Variants in KLHL25 observed in about 807,000 individuals in gnomAD.
KLHL25 encodes the protein kelch-like protein 25.
A neutral mutation model predicts 30.0 loss-of-function variants in KLHL25; 41 were observed. That is an observed-to-expected ratio of 1.37 (90% CI 1.07 to 1.78). KLHL25 has a LOEUF of 1.78. Among genes scored for constraint, KLHL25 ranks in the 40% most tolerant of loss-of-function variants. The probability of loss-of-function intolerance (pLI) is 0.00; values close to 1 mark genes in which losing one functional copy is unlikely to be tolerated. For missense variants in KLHL25, 971 were observed against 824.5 expected, an observed-to-expected ratio of 1.18 and a Z score of -2.18; for synonymous variants, 399 against 355.3, an observed-to-expected ratio of 1.12 and a Z score of -1.38.
intron 2 of KLHL25, among the ~76,000 whole-genome samples, chr15:85,767,497 C>T (rs2089632838): frequency 1.3e-5 from 2 of 152,238 alleles, no homozygotes; most frequent in South Asian, 4.1e-4. Flanking sequence ...TGGACTCTGC[C>T]TTAGTACATG....
intron 1 of KLHL25, among the ~76,000 whole-genome samples, chr15:85,778,111 G>A (rs1056604625): frequency 2.0e-5 from 3 of 152,150 alleles, no homozygotes; most frequent in Admixed American, 6.5e-5. Context: ...TGGTTCAGGC[G>A]GTAATGAGTG....
intron 1 of KLHL25, among the ~76,000 whole-genome samples, chr15:85,787,798 C>T (rs943627162): frequency 3.3e-5 from 5 of 152,150 alleles, no homozygotes; most frequent in African/African-American, 1.2e-4. Flanking sequence ...AAAATCTGCA[C>T]ATACAACGGA....
intron 2 of KLHL25, among the ~76,000 whole-genome samples, chr15:85,765,656 A>C (rs2089617506): frequency 6.7e-6 from 1 of 149,728 alleles, no homozygotes; most frequent in Admixed American, 6.7e-5. Flanking sequence ...AAGAAGAAGA[A>C]AACAGAAAAG....
chr15:85,780,277 C>T (rs950735204), intron 1 of KLHL25, among the ~76,000 whole-genome samples: 1 of 152,246 alleles, frequency 6.6e-6, no homozygotes, highest in Non-Finnish European at 1.5e-5. Context: ...ACTCAGCACT[C>T]AGGTTCACCC....
chr15:85,791,106 C>G (rs2946366), intron 1 of KLHL25, among the ~76,000 whole-genome samples: 76,982 of 149,066 alleles, frequency 0.52, 20,206 homozygotes, highest in South Asian at 0.61. Context: ...CTGAGGCAGA[C>G]AACTGGTTGA....
At chr15:85,785,930 A>T (rs1040411950) in intron 1 of KLHL25, among the ~76,000 whole-genome samples, 13 of 152,090 alleles carry the variant, frequency 8.5e-5, no homozygotes, top group Non-Finnish European at 1.6e-4. Flanking sequence ...TCACAATGGC[A>T]GTGGGACAGG....
At chr15:85,793,516 C>T (rs2089830408) in intron 1 of KLHL25, among the ~76,000 whole-genome samples, 4 of 152,162 alleles carry the variant, frequency 2.6e-5, no homozygotes, top group South Asian at 4.1e-4. Context: ...CCCACGCAAG[C>T]CTTCACCAAC....
At chr15:85,765,735 G>C (rs1451591054) in intron 2 of KLHL25, among the ~76,000 whole-genome samples, 3 of 150,788 alleles carry the variant, frequency 2.0e-5, no homozygotes, top group African/African-American at 7.3e-5. Flanking sequence ...AGGAGGCTGA[G>C]GAACGAGAAT....
At chr15:85,784,269 C>T (rs549850357) in intron 1 of KLHL25, among the ~76,000 whole-genome samples, 7 of 152,184 alleles carry the variant, frequency 4.6e-5, no homozygotes, top group African/African-American at 1.7e-4. Context: ...TGGCTCATGC[C>T]TGTAATCCCT....
chr15:85,762,792 C>T (rs2089592138), intron 2 of KLHL25: 2 of 152,348 alleles, frequency 1.3e-5, no homozygotes, highest in African/African-American at 4.8e-5. Flanking sequence ...GGCAGAAATC[C>T]TCAGGCCTGT....
intron 2 of KLHL25, chr15:85,761,289 C>G (rs1412387649): frequency 1.3e-5 from 2 of 152,280 alleles, no homozygotes; most frequent in Non-Finnish European, 2.9e-5. Context: ...AAGGGAAACC[C>G]AGGCGGCTTG....
At position 85,775,989 on chromosome 15, in the gene KLHL25, T is replaced by C. The variant is rs538254193; in HGVS notation, c.-10-6169A>G. Reference sequence around the variant, plus strand: ...GAGTTCGAGACCAGCCTGGCCAACATGGTGAAACCCCGTCTCTACTAAAAA... The same window carrying C: ...GAGTTCGAGACCAGCCTGGCCAACACGGTGAAACCCCGTCTCTACTAAAAA... On this transcript the variant is annotated intron_variant, in intron 1 of 2. Transcript: ENST00000337975. Among the ~76,000 whole-genome samples, 314 of 150,028 alleles carry C rather than the reference T, an allele frequency of 2.1e-3. 2 individuals are homozygous for C. Among genetic ancestry groups the C allele is most frequent in the Admixed American group, 3.3e-3 (50 of 15,060 alleles).
chr15:85,773,882 C>T (rs72751888), intron 1 of KLHL25, among the ~76,000 whole-genome samples: 18,242 of 152,026 alleles, frequency 0.12, 1,129 homozygotes, highest in Middle Eastern at 0.2. Flanking sequence ...TAAGGACTCA[C>T]AGGGTCATCA....
chr15:85,782,879 G>A (rs979187463), intron 1 of KLHL25, among the ~76,000 whole-genome samples: 1 of 152,050 alleles, frequency 6.6e-6, no homozygotes, highest in Admixed American at 6.6e-5. Context: ...TCTCTGTACT[G>A]GCAGCTCAAG....
Position 85,768,469 on chromosome 15 carries a change from CAA to C in KLHL25, c.1340_1341del (p.Phe447CysfsTer19), listed in dbSNP as rs778173133. ...CGGTGGATGCTGGTTCCTCCGAAAACAAAGAGCTTCAGCTTGGCACTCACCAC... is the reference window on the plus strand; with the variant it reads ...CGGTGGATGCTGGTTCCTCCGAAAACAGAGCTTCAGCTTGGCACTCACCAC... ...AAVVSAKLKL[F>X]VFGGTSIHRD... On this transcript the variant is annotated frameshift_variant, in exon 2 of 3. Coordinates refer to ENST00000337975, the MANE Select transcript of KLHL25 (RefSeq NM_022480.4). LOFTEE classifies it high-confidence loss of function. 6.2e-7 allele frequency: 1 copy of C among 1,613,566 alleles called. No individual in the cohort carries two copies. Among genetic ancestry groups the C allele is most frequent in the South Asian group, 1.1e-5 (1 of 91,076 alleles).
At chr15:85,790,214 A>C (rs950476400) in intron 1 of KLHL25, among the ~76,000 whole-genome samples, 3 of 152,120 alleles carry the variant, frequency 2.0e-5, no homozygotes, top group Non-Finnish European at 4.4e-5. Context: ...TCAGCCTCCC[A>C]AGTAGCTGGG....
Position 85,768,632 on chromosome 15 carries a change from C to CA in KLHL25, c.1178dup (p.His396ThrfsTer71). 3.7e-6 allele frequency: 6 copies of CA among 1,612,838 alleles called. No individual in the cohort carries two copies. The highest frequency in any genetic ancestry group is 4.2e-6 in the Non-Finnish European group (5 of 1,179,244). ...CCCCTGCCAGGGATGTGTGTCCCCCCACCACATAGAGGCAGTTCTCCAGCT... is the reference window on the plus strand; with the variant it reads ...CCCCTGCCAGGGATGTGTGTCCCCCCAACCACATAGAGGCAGTTCTCCAGCT... On this transcript the variant is annotated frameshift_variant, in exon 2 of 3. Coordinates refer to ENST00000337975, the MANE Select transcript of KLHL25 (RefSeq NM_022480.4). LOFTEE classifies it high-confidence loss of function.
chr15:85,781,053 C>T (rs59184909), intron 1 of KLHL25, among the ~76,000 whole-genome samples: 6,352 of 152,220 alleles, frequency 0.042, 439 homozygotes, highest in African/African-American at 0.15. Context: ...CCAAAGGGGC[C>T]GGGCGCAGTG....
At chr15:85,778,016 C>T (rs2089720716) in intron 1 of KLHL25, among the ~76,000 whole-genome samples, 1 of 152,222 alleles carries the variant, frequency 6.6e-6, no homozygotes, top group African/African-American at 2.4e-5. Context: ...TGAGGTTCTG[C>T]CGCAGCAAGG....
Sources: allele counts gnomAD v4.1 joint callset (sites outside exome capture counted in the v4.1 genomes callset), GRCh38; gene constraint gnomAD v4.1.1; transcripts MANE v1.5; gene names NCBI Gene and HGNC (gene_info 2026-07-23, HGNC 2026-07-21).